The following RAP1GAP2 variants were observed in gnomAD, a reference collection of about 807,000 sequenced individuals.
RAP1GAP2 encodes the protein RAP1 GTPase activating protein 2, also known as rap1 GTPase-activating protein 2.
Under a neutral mutation model 95.0 loss-of-function variants are expected in RAP1GAP2, and 27 were observed. That is an observed-to-expected ratio of 0.28 (90% CI 0.21 to 0.39). The LOEUF (loss-of-function observed/expected upper bound fraction) is 0.39. RAP1GAP2 is among the 10% of genes least tolerant of loss of function. RAP1GAP2 has a pLI of 1.00. For synonymous variants in RAP1GAP2, 373 were observed against 380.9 expected, an observed-to-expected ratio of 0.98 and a Z score of 0.24; for missense variants, 771 against 970.0, an observed-to-expected ratio of 0.79 and a Z score of 2.72.
At chr17:2,806,994 C>G (rs1396270647) in intron 2 of RAP1GAP2, among the ~76,000 whole-genome samples, 1 of 151,942 alleles carries the variant, frequency 6.6e-6, no homozygotes, top group Admixed American at 6.6e-5. Context: ...TGCCACAACC[C>G]TTTAAACTCA....
In RAP1GAP2 at chr17:3,004,270, C is replaced by T. The variant is rs2046264910; in HGVS notation, c.1201-1099C>T. On this transcript the variant is annotated intron_variant, in intron 14 of 24. Coordinates refer to ENST00000254695, the MANE Select transcript of RAP1GAP2 (RefSeq NM_015085.5). This position sits in a 1 kb window ranked among gnomAD's most constrained non-coding sequence, Gnocchi z 4.1. Reference sequence around the variant, plus strand: ...GGCACTGCAGTTTGGGCTGGGCAGACAGCCTGGAGCTTGAGAAGAGAAAGC... The same window carrying T: ...GGCACTGCAGTTTGGGCTGGGCAGATAGCCTGGAGCTTGAGAAGAGAAAGC... Among the ~76,000 whole-genome samples, 1 of 152,254 alleles carries T rather than the reference C, an allele frequency of 6.6e-6. No individual in the cohort carries two copies. Among genetic ancestry groups the T allele is most frequent in the Non-Finnish European group, 1.5e-5 (1 of 68,040 alleles).
At chr17:2,971,753 C>G (rs2044875010) in intron 8 of RAP1GAP2, among the ~76,000 whole-genome samples, 1 of 152,078 alleles carries the variant, frequency 6.6e-6, no homozygotes, top group East Asian at 1.9e-4. Context: ...CATGCTGCAG[C>G]TGCTCAGTAA....
chr17:2,965,924 C>A lies in RAP1GAP2; in HGVS notation c.596+281C>A. The A allele has an allele frequency of 2.3e-6, 1 of 441,872 alleles. No homozygotes were observed. Among genetic ancestry groups the A allele is most frequent in the South Asian group, 3.1e-5 (1 of 32,708 alleles). 27.4% of individuals were successfully genotyped at this position (441,872 alleles called of 1,614,324 possible). On this transcript the variant is annotated intron_variant, in intron 8 of 24. Transcript: ENST00000254695. The surrounding 1 kb of genome is among the most constrained non-coding windows in gnomAD (Gnocchi z 4.7). ...GCCCCTCTTTCTTACAAGTCCATGGCTCTGAGGAAGACGGGAAGAAAAGTA... is the reference window on the plus strand; with the variant it reads ...GCCCCTCTTTCTTACAAGTCCATGGATCTGAGGAAGACGGGAAGAAAAGTA...
chr17:2,982,557 C>T (rs928427263), intron 10 of RAP1GAP2, among the ~76,000 whole-genome samples: 2 of 152,166 alleles, frequency 1.3e-5, no homozygotes, highest in African/African-American at 4.8e-5. Context: ...TCGTCTTCCA[C>T]GTGCCTCTGT....
intron 3 of RAP1GAP2, among the ~76,000 whole-genome samples, chr17:2,919,589 G>T (rs903548208): frequency 6.6e-6 from 1 of 152,188 alleles, no homozygotes; most frequent in South Asian, 2.1e-4. Context: ...GGGGCCAGGC[G>T]GGGGAGCAGC....
rs1230276990 is a variant in RAP1GAP2, at chr17:2,998,215, A to G, written c.1045-6A>G. Reference sequence around the variant, plus strand: ...GGCTTATAACCTCTCAACACTTTTTATTTAGCTCCAGAGAAAGAGACACAT... The same window carrying G: ...GGCTTATAACCTCTCAACACTTTTTGTTTAGCTCCAGAGAAAGAGACACAT... On this transcript the variant is annotated splice_polypyrimidine_tract_variant and splice_region_variant and intron_variant, in intron 13 of 24. Coordinates refer to ENST00000254695, the MANE Select transcript of RAP1GAP2 (RefSeq NM_015085.5). 6.2e-7 allele frequency: 1 copy of G among 1,613,046 alleles called. No individual in the cohort carries two copies. Among genetic ancestry groups the G allele is most frequent in the Admixed American group, 1.7e-5 (1 of 59,970 alleles).
In RAP1GAP2 at chr17:2,997,711, T is replaced by G. The variant is rs915503423; in HGVS notation, c.1045-510T>G. On this transcript the variant is annotated intron_variant, in intron 13 of 24. Coordinates refer to ENST00000254695, the MANE Select transcript of RAP1GAP2 (RefSeq NM_015085.5). ...ACTTTGGGAGGCTGAGGCGGGCTGG[T>G]CAGGAGTTTAAGACCAGCCTGGCCA... is the stretch of plus-strand genomic sequence containing the variant. 2.0e-5 allele frequency among the ~76,000 whole-genome samples: 3 copies of G among 151,892 alleles called. No individual in the cohort carries two copies. In the South Asian group the frequency reaches 6.2e-4, roughly 32 times the overall value.
At chr17:2,856,325 C>T (rs368872349) in intron 2 of RAP1GAP2, among the ~76,000 whole-genome samples, 97 of 152,304 alleles carry the variant, frequency 6.4e-4, no homozygotes, top group African/African-American at 1.9e-3. Flanking sequence ...CTTCCTGGCT[C>T]ATCTGTTGAC....
At chr17:2,950,280 G>A (rs900842891) in intron 3 of RAP1GAP2, among the ~76,000 whole-genome samples, 4 of 152,040 alleles carry the variant, frequency 2.6e-5, no homozygotes, top group African/African-American at 9.7e-5. Flanking sequence ...TCAAACTCCT[G>A]GCCTTAGGTG....
chr17:2,994,874 C>T (rs748583002), intron 12 of RAP1GAP2, among the ~76,000 whole-genome samples: 3 of 152,200 alleles, frequency 2.0e-5, no homozygotes, highest in African/African-American at 4.8e-5. Flanking sequence ...AGTGCAGTGG[C>T]GCCATCTCGG....
intron 1 of RAP1GAP2, chr17:2,755,863 TC>T (rs2071129643): frequency 3.1e-6 from 1 of 324,544 alleles, no homozygotes. Context: ...CAAAGTTTCG[TC>T]CCGGGCTGAG....
chr17:2,963,406 G>T lies in RAP1GAP2; in HGVS notation c.247-24G>T, dbSNP rs1169995601. The T allele has an allele frequency of 6.2e-7, 1 of 1,613,564 alleles. No individual in the cohort carries two copies. The highest frequency in any genetic ancestry group is 1.3e-5 in the African/African-American group (1 of 74,848). The stretch of plus-strand genomic sequence containing the variant: ...TACGGGCACTGCCGGGACTAACGGT[G>T]GCATCATCTGGTTTGTCTTGCAGGA... On this transcript the variant is annotated intron_variant, in intron 5 of 24. Transcript: ENST00000254695. This position sits in a 1 kb window ranked among gnomAD's most constrained non-coding sequence, Gnocchi z 4.8.
At position 2,816,733 on chromosome 17, in the gene RAP1GAP2, C is replaced by T. The variant is rs1198174939; in HGVS notation, c.80+16183C>T. Among the ~76,000 whole-genome samples the T allele has an allele frequency of 2.7e-5, 2 of 75,130 alleles. 1 individual carries two copies. The highest frequency in any genetic ancestry group is 7.4e-5 in the Non-Finnish European group (2 of 27,020). 49.3% of individuals were successfully genotyped at this position (75,130 alleles called of 152,430 possible). On this transcript the variant is annotated intron_variant, in intron 2 of 24. Transcript: ENST00000254695. ...TACATTTACAATGCTGTGCAAGGAT[C>T]ACCATTATTTCTAGAAGTTTTTCAT...
chr17:2,844,677 C>T (rs2071510117), intron 2 of RAP1GAP2, among the ~76,000 whole-genome samples: 1 of 152,126 alleles, frequency 6.6e-6, no homozygotes, highest in Admixed American at 6.5e-5. Context: ...TGGGAAGGAT[C>T]ATTAACACAT....
upstream of RAP1GAP2, among the ~76,000 whole-genome samples, chr17:2,774,114 C>T (rs1645057390): frequency 6.6e-6 from 1 of 152,232 alleles, no homozygotes; most frequent in Middle Eastern, 3.4e-3. Context: ...GTTTCTAATC[C>T]TGTTTGCACC....
chr17:2,796,031 G>A (rs1436845186), upstream of RAP1GAP2, among the ~76,000 whole-genome samples: 5 of 152,178 alleles, frequency 3.3e-5, no homozygotes, highest in Non-Finnish European at 5.9e-5. This position sits in a 1 kb window ranked among gnomAD's most constrained non-coding sequence, Gnocchi z 4.7. Flanking sequence ...CGTGTGCCGA[G>A]CCATGGTGGG....
At chr17:2,960,344 GC>G (rs1373993016) in intron 4 of RAP1GAP2, among the ~76,000 whole-genome samples, 1 of 152,036 alleles carries the variant, frequency 6.6e-6, no homozygotes, top group Admixed American at 6.6e-5. Flanking sequence ...TGCCCTCACT[GC>G]CCCCACCCGC....
At chr17:2,928,435 T>G (rs2043035854) in intron 3 of RAP1GAP2, among the ~76,000 whole-genome samples, 1 of 152,108 alleles carries the variant, frequency 6.6e-6, no homozygotes, top group Admixed American at 6.5e-5. Context: ...CTGCCCATGG[T>G]TGACAGCCTG....
At position 2,836,272 on chromosome 17, in the gene RAP1GAP2, A is replaced by G. The variant is rs532709031; in HGVS notation, c.80+35722A>G. On this transcript the variant is annotated intron_variant, in intron 2 of 24. Coordinates refer to ENST00000254695, the MANE Select transcript of RAP1GAP2 (RefSeq NM_015085.5). The stretch of plus-strand genomic sequence containing the variant: ...GAAACCTTACTCAAACTGGCTTAAG[A>G]AAAAAAAAAAGAAACCAAAAGGAAA... 3.8e-3 allele frequency among the ~76,000 whole-genome samples: 566 copies of G among 147,434 alleles called. 3 individuals carry two copies. Among genetic ancestry groups the G allele is most frequent in the African/African-American group, 0.013 (528 of 40,370 alleles).
Sources: gnomAD v4.1 joint callset for allele counts (sites outside exome capture counted in the v4.1 genomes callset) on GRCh38, gnomAD v4.1.1 for gene constraint, Gnocchi (gnomAD v3.1) non-coding constraint, MANE v1.5 for transcripts, NCBI Gene and HGNC (gene_info 2026-07-23, HGNC 2026-07-21) for gene names.